ENPEP: variants seen among roughly 807,000 people sequenced by gnomAD.
ENPEP encodes glutamyl aminopeptidase, also known as AP-A.
A neutral mutation model predicts 114.5 loss-of-function variants in ENPEP; 103 were observed. The ratio of observed to expected loss-of-function variants is 0.90; its 90% CI spans 0.77 to 1.06. The LOEUF is 1.06. Ranked by LOEUF, ENPEP falls within the 50% of genes least tolerant of loss-of-function variation. The pLI is 0.00. For missense variants in ENPEP, 1,196 were observed against 1,161.3 expected (o/e 1.03, Z -0.43); for synonymous variants, 420 against 422.0 (o/e 1.00, Z 0.06).
At chr4:110,478,320 T>C (rs3796893) in intron 1 of ENPEP, among the ~76,000 whole-genome samples, 1 of 152,218 alleles carries the variant, frequency 6.6e-6, no homozygotes, top group African/African-American at 2.4e-5. Flanking sequence ...TATATAGATC[T>C]TATATCTTAA....
At chr4:110,478,122 CCT>C (rs1387261194) in intron 1 of ENPEP, among the ~76,000 whole-genome samples, 3 of 152,146 alleles carry the variant, frequency 2.0e-5, no homozygotes, top group South Asian at 2.1e-4. Context: ...CACAAATATC[CCT>C]TTTTTTCTGT....
At chr4:110,489,860 T>A (rs1246754041) in intron 2 of ENPEP, among the ~76,000 whole-genome samples, 1 of 152,152 alleles carries the variant, frequency 6.6e-6, no homozygotes, top group Non-Finnish European at 1.5e-5. Flanking sequence ...ATATTGTCAT[T>A]AAAATTCATC....
intron 4 of ENPEP, among the ~76,000 whole-genome samples, chr4:110,507,806 C>T (rs1429662338): frequency 6.6e-6 from 1 of 152,130 alleles, no homozygotes; most frequent in African/African-American, 2.4e-5. Context: ...GAAACCCCAT[C>T]GCTACAAGAA....
intron 4 of ENPEP, among the ~76,000 whole-genome samples, chr4:110,507,359 A>G (rs578076577): frequency 6.6e-6 from 1 of 152,362 alleles, no homozygotes; most frequent in East Asian, 1.9e-4. Flanking sequence ...TTCTATCAAT[A>G]GTGGAAATGC....
chr4:110,491,562 A>G (rs983467332), intron 3 of ENPEP, among the ~76,000 whole-genome samples: 3 of 152,222 alleles, frequency 2.0e-5, no homozygotes, highest in African/African-American at 7.2e-5. Flanking sequence ...CATCCTTCGA[A>G]TGACAAGGCA....
chr4:110,508,994 C>T (rs1209343385), intron 4 of ENPEP, among the ~76,000 whole-genome samples: 1 of 152,102 alleles, frequency 6.6e-6, no homozygotes, highest in African/African-American at 2.4e-5. Flanking sequence ...ATCATCTGAG[C>T]ATTTTCTGTC....
At chr4:110,553,610 C>T in intron 18 of ENPEP, 155 bp downstream of exon 18, 2 of 638,482 alleles carry the variant, frequency 3.1e-6, no homozygotes, top group Non-Finnish European at 4.7e-6. Context: ...TCCAGGGAAG[C>T]AATGTACTAG....
At chr4:110,537,056 T>C (rs1178913753) in intron 11 of ENPEP, among the ~76,000 whole-genome samples, 4 of 152,198 alleles carry the variant, frequency 2.6e-5, no homozygotes, top group African/African-American at 4.8e-5. Context: ...ATGCTAACAA[T>C]CATCTAAGTC....
chr4:110,525,655 A>G (rs1285787435), intron 10 of ENPEP, among the ~76,000 whole-genome samples: 1 of 129,392 alleles, frequency 7.7e-6, no homozygotes, highest in Non-Finnish European at 1.8e-5. Context: ...GATGTTTTAG[A>G]AAGTCTTTAA....
At chr4:110,548,387 G>C in intron 14 of ENPEP, 61 bp downstream of exon 14, 2 of 1,355,628 alleles carry the variant, frequency 1.5e-6, no homozygotes, top group Non-Finnish European at 1.9e-6. Context: ...AGAATAGGAT[G>C]CTTTCTGAGA....
At chr4:110,557,630 C>G (rs1727524837) in intron 18 of ENPEP, among the ~76,000 whole-genome samples, 1 of 152,078 alleles carries the variant, frequency 6.6e-6, no homozygotes, top group African/African-American at 2.4e-5. Context: ...TTCCAGAGGG[C>G]TAGGTGAAAG....
intron 6 of ENPEP, among the ~76,000 whole-genome samples, chr4:110,511,453 C>A (rs1725571615): frequency 1.3e-5 from 2 of 151,922 alleles, no homozygotes; most frequent in African/African-American, 4.8e-5. Flanking sequence ...TCGTGGGGGA[C>A]AAAAATCTCC....
rs1418177686 is a variant in ENPEP, at chr4:110,476,370, A to G, written c.-45A>G. The G allele has an allele frequency of 6.0e-6, 9 of 1,496,824 alleles. No individual in the cohort carries two copies. The highest frequency in any genetic ancestry group is 8.0e-6 in the Non-Finnish European group (9 of 1,121,540). The allele number at this position is 1,496,824 out of a possible 1,614,324, so 92.7% of individuals were successfully genotyped here. ...GAAGTCTGCTGACGTTAGTTAGTTA[A>G]ATTTAACATCTTTTTATGTGTAACA... On this transcript the variant is annotated 5_prime_UTR_variant, in exon 1 of 20. Coordinates refer to ENST00000265162, the MANE Select transcript of ENPEP (RefSeq NM_001977.4).
chr4:110,476,831 C>G lies in ENPEP; in HGVS notation c.417C>G (p.Thr139=), dbSNP rs1195468630. The change falls in exon 1 of 20, where the codon ACC becomes ACG. Residue 139 remains threonine (T), a synonymous_variant. Transcript: ENST00000265162. ...TRYLWLHLRE[T]RITRLPELKR... is the part of the protein sequence containing the mutation. ...ACCTGTGGCTGCACCTCCGGGAGAC[C>G]AGGATCACCCGGCTCCCGGAGCTGA... 8 of 1,614,132 alleles carry G rather than the reference C, an allele frequency of 5.0e-6. No homozygotes were observed. In the South Asian group the frequency reaches 5.5e-5, roughly 11 times the overall value.
In ENPEP at chr4:110,520,370, AG is replaced by A; in HGVS notation, c.1727+6del. 15 of 1,613,786 alleles carry A rather than the reference AG, an allele frequency of 9.3e-6. No individual in the cohort carries two copies. Among genetic ancestry groups the A allele is most frequent in the Non-Finnish European group, 1.3e-5 (15 of 1,179,842 alleles). ...CTCAGCCCCCTTCAGATCTTGGGTAAGGCTCTATAATGCATTGAAAAAAACA... is the reference window on the plus strand; with the variant it reads ...CTCAGCCCCCTTCAGATCTTGGGTAAGCTCTATAATGCATTGAAAAAAACA... On this transcript the variant is annotated splice_donor_5th_base_variant and intron_variant, in intron 10 of 19. Transcript: ENST00000265162.
Position 110,561,491 on chromosome 4 carries a change from T to C in ENPEP, c.2807T>C (p.Ile936Thr). The change falls in exon 20 of 20, where the codon ATA (isoleucine) becomes ACA (threonine). Residue 936 changes from isoleucine (I) to threonine (T), a missense_variant. Ile to Thr is a moderately conservative substitution (Grantham distance 89, BLOSUM62 -1). Transcript: ENST00000265162. ...EQVLETVKNN[I>T]EWLKQHRNTI... ...GTGCTGGAAACAGTGAAAAACAATA[T>C]AGAGTGGCTAAAACAACATAGAAAC... The C allele has an allele frequency of 1.2e-6, 2 of 1,613,972 alleles. No homozygotes were observed. The highest frequency in any genetic ancestry group is 1.7e-6 in the Non-Finnish European group (2 of 1,179,918).
intron 3 of ENPEP, among the ~76,000 whole-genome samples, chr4:110,501,997 T>G (rs1188268855): frequency 6.6e-6 from 1 of 152,240 alleles, no homozygotes; most frequent in Non-Finnish European, 1.5e-5. Flanking sequence ...TGAGATAGTA[T>G]CTCATTGTGG....
chr4:110,553,809 C>G (rs1727378403), intron 18 of ENPEP, among the ~76,000 whole-genome samples: 1 of 151,956 alleles, frequency 6.6e-6, no homozygotes, highest in African/African-American at 2.4e-5. Context: ...TTGATTAAAG[C>G]TAGGTAAAAA....
chr4:110,490,693 G>C lies in ENPEP; in HGVS notation c.787-340G>C, dbSNP rs79411439. 1.5e-3 allele frequency among the ~76,000 whole-genome samples: 235 copies of C among 152,308 alleles called. 1 individual carries two copies. The highest frequency in any genetic ancestry group is 5.4e-3 in the African/African-American group (224 of 41,572). On this transcript the variant is annotated intron_variant, in intron 2 of 19. Transcript: ENST00000265162. ...TCAGCAAATATCTGAGCACGAGTCT[G>C]TTTTTCATTAGGAGATTGCAGTACT...
Sources: gnomAD v4.1 joint callset for allele counts (sites outside exome capture counted in the v4.1 genomes callset) on GRCh38, gnomAD v4.1.1 for gene constraint, MANE v1.5 for transcripts, NCBI Gene and HGNC (gene_info 2026-07-23, HGNC 2026-07-21) for gene names.